HBP1: variants seen among roughly 807,000 people sequenced by gnomAD.
The protein encoded by HBP1 is HMG-box transcription factor 1.
Under a neutral mutation model 62.6 loss-of-function variants are expected in HBP1, and 20 were observed. The ratio of observed to expected loss-of-function variants is 0.32; its 90% confidence interval spans 0.22 to 0.46. HBP1 has a LOEUF of 0.46. HBP1 is among the 20% of genes least tolerant of loss of function. The probability of loss-of-function intolerance (pLI) is 1.00; values close to 1 mark genes in which losing one functional copy is unlikely to be tolerated. For synonymous variants in HBP1, 232 were observed against 206.2 expected (o/e 1.12, Z -1.07); for missense variants, 480 against 611.8 (o/e 0.78, Z 2.27).
chr7:107,169,699 C>A lies in HBP1; in HGVS notation c.-16+514C>A, dbSNP rs111767990. 2,221 of 976,392 alleles carry A rather than the reference C, an allele frequency of 2.3e-3. 40 individuals carry two copies. The African/African-American group carries it at 0.032, about 14-fold the overall frequency. The allele number at this position is 976,392 out of a possible 1,614,324, so 60.5% of individuals were successfully genotyped here. A position where few individuals can be genotyped will look rare whatever the true frequency, so the allele number is the denominator to read the frequency against. On this transcript the variant is annotated intron_variant, in intron 1 of 10. Coordinates refer to ENST00000222574, the MANE Select transcript of HBP1 (RefSeq NM_012257.4). ...CTGAGGAGCTCGCGGAGCCGCTGGG[C>A]CCCGGGGCTCATTGTTACGCAGTTC...
chr7:107,169,670 TGAGCTGAGGAGCTCGCG>T (rs1433294345), intron 1 of HBP1: 77 of 883,336 alleles, frequency 8.7e-5, no homozygotes, highest in Non-Finnish European at 1.0e-4. Context: ...GGATTCTGGC[TGAGCTGAGGAGCTCGCG>T]GAGCCGCTGG....
intron 1 of HBP1, among the ~76,000 whole-genome samples, chr7:107,178,520 G>C (rs1796963920): frequency 6.6e-6 from 1 of 152,074 alleles, no homozygotes; most frequent in African/African-American, 2.4e-5. Flanking sequence ...TCTCTTCCTT[G>C]TGATAATTTT....
chr7:107,186,456 G>A lies in HBP1; in HGVS notation c.636G>A (p.Trp212Ter). 1 of 1,609,704 alleles carries A rather than the reference G, an allele frequency of 6.2e-7. No homozygotes were observed. The highest frequency in any genetic ancestry group is 1.3e-5 in the African/African-American group (1 of 74,824). Residue 212 changes from tryptophan to a stop codon, truncating the protein, a stop_gained, in exon 5 of 11, where the codon TGG becomes TGA. Transcript: ENST00000222574. LOFTEE classifies it high-confidence loss of function. Reference sequence around the variant, plus strand: ...GCAATTCCTGGCCTTCAACTGTCTGGCACTGTTTTTTGAAAGGTAAAACAA... The same window carrying A: ...GCAATTCCTGGCCTTCAACTGTCTGACACTGTTTTTTGAAAGGTAAAACAA... The part of the protein sequence containing the change: ...GWCNSWPSTV[W>*]HCFLKGTRLC...
chr7:107,185,849 T>C lies in HBP1; in HGVS notation c.447T>C (p.Tyr149=), dbSNP rs200066493. ...IIATSKSLHS[Y]ARPPPVSSSS... is the part of the protein sequence containing the mutation. ...CCACTAGCAAAAGTTTACATTCCTA[T>C]GCACGCCCTCCACCAGTGTCCTCTT... Residue 149 remains tyrosine, a synonymous_variant, in exon 4 of 11, where the codon TAT becomes TAC. Coordinates refer to ENST00000222574, the MANE Select transcript of HBP1 (RefSeq NM_012257.4). 7.4e-6 allele frequency: 12 copies of C among 1,613,200 alleles called. No homozygotes were observed. The East Asian group carries it at 2.5e-4, about 33-fold the overall frequency.
At chr7:107,187,859 G>T (rs933859895) in intron 6 of HBP1, among the ~76,000 whole-genome samples, 6 of 152,140 alleles carry the variant, frequency 3.9e-5, no homozygotes, top group Admixed American at 1.3e-4. Context: ...TTTAGGCCTG[G>T]TACTTGACTG....
At chr7:107,178,266 A>G (rs908173896) in intron 1 of HBP1, among the ~76,000 whole-genome samples, 8 of 152,224 alleles carry the variant, frequency 5.3e-5, no homozygotes, top group South Asian at 2.1e-4. Context: ...CCTTCAGTCT[A>G]CCCTAAGTAG....
chr7:107,188,390 C>G (rs1021744188), intron 6 of HBP1, among the ~76,000 whole-genome samples: 7 of 152,110 alleles, frequency 4.6e-5, no homozygotes, highest in African/African-American at 4.8e-5. Context: ...TATTCTATTT[C>G]TTCCCTTTAT....
At chr7:107,181,653 GGA>G (rs1484161160) in intron 2 of HBP1, among the ~76,000 whole-genome samples, 7 of 150,730 alleles carry the variant, frequency 4.6e-5, no homozygotes, top group African/African-American at 1.7e-4. Context: ...TGTGTTTCGT[GGA>G]GAGTTTTTTT....
intron 1 of HBP1, chr7:107,169,984 C>G (rs1390330070): frequency 2.0e-6 from 2 of 985,368 alleles, no homozygotes; most frequent in South Asian, 9.4e-5. Flanking sequence ...CAAAACAAAC[C>G]AGGCGAAGTG....
At chr7:107,172,185 A>G (rs1243708156) in intron 1 of HBP1, among the ~76,000 whole-genome samples, 3 of 152,146 alleles carry the variant, frequency 2.0e-5, no homozygotes, top group Non-Finnish European at 4.4e-5. Flanking sequence ...GTTATTGATC[A>G]TAGCTTTAAA....
chr7:107,174,705 G>C (rs1189839705), intron 1 of HBP1: 21 of 984,740 alleles, frequency 2.1e-5, no homozygotes, highest in Non-Finnish European at 2.3e-5. Flanking sequence ...GCTCTGAAGA[G>C]AGATACCTGT....
intron 6 of HBP1, among the ~76,000 whole-genome samples, chr7:107,188,423 C>G (rs1225871777): frequency 6.6e-6 from 1 of 152,054 alleles, no homozygotes; most frequent in African/African-American, 2.4e-5. Flanking sequence ...GATTCTAATT[C>G]TGTAAAGATT....
At chr7:107,194,030 A>C (rs1797774539) in intron 8 of HBP1, among the ~76,000 whole-genome samples, 1 of 152,250 alleles carries the variant, frequency 6.6e-6, no homozygotes, top group South Asian at 2.1e-4. Flanking sequence ...GCATGTACAC[A>C]AAGTAGAGCT....
At chr7:107,190,125 G>A in intron 7 of HBP1, 48 bp from the exon 8 acceptor site, 1 of 1,456,012 alleles carries the variant, frequency 6.9e-7, no homozygotes, top group South Asian at 1.3e-5. Flanking sequence ...CTAAAGTAGG[G>A]TGCTTTCTGT....
chr7:107,192,663 T>G (rs1000945259), intron 8 of HBP1: 2 of 152,176 alleles, frequency 1.3e-5, no homozygotes, highest in Non-Finnish European at 2.9e-5. Flanking sequence ...AAGGGAAAAC[T>G]TGCCTGCCTA....
Position 107,179,926 on chromosome 7 carries a change from T to C in HBP1, c.33T>C (p.Pro11=). The C allele has an allele frequency of 1.2e-6, 2 of 1,605,786 alleles. No individual in the cohort carries two copies. Among genetic ancestry groups the C allele is most frequent in the Non-Finnish European group, 1.7e-6 (2 of 1,173,338 alleles). ...GGGAAGTGAAGACAAATCAGATGCC[T>C]AATGCAGTACAGAAACTCCTGTTGG... MVWEVKTNQM[P]NAVQKLLLVM... Residue 11 remains proline, a synonymous_variant, in exon 2 of 11, where the codon CCT becomes CCC. Transcript: ENST00000222574.
At chr7:107,195,433 A>G (rs748280559) in intron 8 of HBP1, among the ~76,000 whole-genome samples, 24 of 152,160 alleles carry the variant, frequency 1.6e-4, no homozygotes, top group Non-Finnish European at 2.4e-4. Context: ...TTAATTTTCT[A>G]GGTCTGGGTG....
chr7:107,179,902 G>T lies in HBP1; in HGVS notation c.9G>T (p.Trp3Cys). MV[W>C]EVKTNQMPNA... is the part of the protein sequence containing the mutation. ...AGTCAGAGCACCATAACATGGTGTG[G>T]GAAGTGAAGACAAATCAGATGCCTA... Residue 3 changes from tryptophan (W) to cysteine (C), a missense_variant, in exon 2 of 11, where the codon TGG becomes TGT. Trp to Cys is a radical substitution (Grantham distance 215). Coordinates refer to ENST00000222574, the MANE Select transcript of HBP1 (RefSeq NM_012257.4). 6.3e-7 allele frequency: 1 copy of T among 1,591,022 alleles called. No individual in the cohort carries two copies.
Position 107,196,014 on chromosome 7 carries a change from A to C in HBP1, c.1248A>C (p.Lys416Asn). Residue 416 changes from lysine (K) to asparagine (N), a missense_variant, in exon 9 of 11, where the codon AAA becomes AAC. By Grantham distance (94) the Lys-to-Asn change is moderately conservative. Coordinates refer to ENST00000222574, the MANE Select transcript of HBP1 (RefSeq NM_012257.4). ...SQLSSNSLYAKAVKNHSSGTV... is the reference protein window; with the variant it reads ...SQLSSNSLYANAVKNHSSGTV... ...TCTCTTCCAATTCTTTGTATGCTAA[A>C]GCTGTCAAAAACCACAGCTCAGGGA... 6.2e-7 allele frequency: 1 copy of C among 1,614,136 alleles called. No individual in the cohort carries two copies. The highest frequency in any genetic ancestry group is 8.5e-7 in the Non-Finnish European group (1 of 1,179,988).
Sources: gnomAD v4.1 joint callset for allele counts (sites outside exome capture counted in the v4.1 genomes callset) on GRCh38, gnomAD v4.1.1 for gene constraint, MANE v1.5 for transcripts, NCBI Gene and HGNC (gene_info 2026-07-23, HGNC 2026-07-21) for gene names.